SNX29: variants seen among roughly 807,000 people sequenced by gnomAD.
SNX29 encodes the protein sorting nexin-29.
Under a neutral mutation model 102.1 loss-of-function variants are expected in SNX29, and 78 were observed. The observed-to-expected ratio is 0.76, with a 90% CI of 0.64 to 0.92. The LOEUF (loss-of-function observed/expected upper bound fraction) is 0.92. SNX29 is among the 40% of genes least tolerant of loss of function. The pLI, the probability that SNX29 is intolerant of heterozygous loss-of-function variation, is 0.00. For synonymous variants in SNX29, 580 were observed against 414.5 expected (o/e 1.40, Z -4.85); for missense variants, 1,280 against 1,061.7 (o/e 1.21, Z -2.86).
chr16:12,237,417 G>T (rs942663280), intron 14 of SNX29, among the ~76,000 whole-genome samples: 1 of 152,144 alleles, frequency 6.6e-6, no homozygotes, highest in South Asian at 2.1e-4. Context: ...CACGTTTTTC[G>T]TGTCTCTCTG....
chr16:12,151,722 GT>G (rs952202371), intron 13 of SNX29, among the ~76,000 whole-genome samples: 16 of 151,982 alleles, frequency 1.1e-4, no homozygotes, highest in Middle Eastern at 3.2e-3. Flanking sequence ...ATTTATTTGT[GT>G]TTTTTTGTTT....
chr16:12,380,959 A>C, intron 16 of SNX29, among the ~76,000 whole-genome samples: 1 of 53,130 alleles, frequency 1.9e-5, no homozygotes, highest in Non-Finnish European at 3.5e-5. Context: ...CCACCCATCC[A>C]TCAATTTCAT....
intron 16 of SNX29, among the ~76,000 whole-genome samples, chr16:12,390,243 T>G (rs988091626): frequency 1.3e-5 from 2 of 152,012 alleles, no homozygotes; most frequent in African/African-American, 4.8e-5. Context: ...CTCCCATCTC[T>G]GCTCTGCAGC....
intron 20 of SNX29, among the ~76,000 whole-genome samples, chr16:12,549,769 C>G (rs111523406): frequency 3.9e-5 from 6 of 152,244 alleles, no homozygotes; most frequent in African/African-American, 1.4e-4. Flanking sequence ...TGGTGATTAG[C>G]AGGTGATTTC....
intron 20 of SNX29, among the ~76,000 whole-genome samples, chr16:12,543,145 C>G (rs1431004567): frequency 1.3e-5 from 2 of 152,148 alleles, no homozygotes; most frequent in Non-Finnish European, 1.5e-5. Context: ...GATCCAGGCC[C>G]TGAAGCATAA....
intron 14 of SNX29, among the ~76,000 whole-genome samples, chr16:12,218,118 C>A (rs1284929528): frequency 6.6e-6 from 1 of 152,204 alleles, no homozygotes; most frequent in African/African-American, 2.4e-5. Flanking sequence ...GGATATATTA[C>A]AGAGAATTGA....
At position 12,568,869 on chromosome 16, in the gene SNX29, C is replaced by CT. The variant is rs1598129544; in HGVS notation, c.*241dup. ...GGAGAGACTGGGACACACAGTCCTT[C>CT]TGCTTCTGGGGTCTACCCTGGGCTG... On this transcript the variant is annotated 3_prime_UTR_variant, in exon 21 of 21. Coordinates refer to ENST00000566228, the MANE Select transcript of SNX29 (RefSeq NM_032167.5). 1 of 605,882 alleles carries CT rather than the reference C, an allele frequency of 1.7e-6. No individual in the cohort carries two copies. The highest frequency in any genetic ancestry group is 3.1e-5 in the East Asian group (1 of 32,258). The allele number at this position is 605,882 out of a possible 1,614,324, so 37.5% of individuals were successfully genotyped here. A position where few individuals can be genotyped will look rare whatever the true frequency, so the allele number is the denominator to read the frequency against.
intron 11 of SNX29, among the ~76,000 whole-genome samples, chr16:12,107,885 G>A (rs950281249): frequency 2.0e-5 from 3 of 152,126 alleles, no homozygotes; most frequent in Non-Finnish European, 2.9e-5. Context: ...ATTAACAATC[G>A]TGTTTTAAGT....
intron 15 of SNX29, among the ~76,000 whole-genome samples, chr16:12,317,261 A>C (rs1218402631): frequency 1.3e-5 from 2 of 152,252 alleles, no homozygotes; most frequent in African/African-American, 4.8e-5. Context: ...CTCCAGAGAC[A>C]CACTTGGGTG....
chr16:12,565,007 C>G (rs1483744493), intron 20 of SNX29, among the ~76,000 whole-genome samples: 3 of 151,914 alleles, frequency 2.0e-5, no homozygotes, highest in Non-Finnish European at 2.9e-5. Flanking sequence ...CATGTCTCTA[C>G]TGTTGGACGC....
At chr16:12,476,622 C>G (rs138716921) in intron 18 of SNX29, among the ~76,000 whole-genome samples, 2 of 150,414 alleles carry the variant, frequency 1.3e-5, no homozygotes, top group Admixed American at 6.7e-5. Flanking sequence ...CATCAGAGAC[C>G]CCGGGACTTC....
At chr16:12,093,921 C>T (rs1215914774) in intron 11 of SNX29, 1 of 152,172 alleles carries the variant, frequency 6.6e-6, no homozygotes, top group African/African-American at 2.4e-5. Context: ...ACACGAAACA[C>T]TTCAGGTAGT....
At chr16:12,209,465 C>T (rs1447933506) in intron 14 of SNX29, among the ~76,000 whole-genome samples, 1 of 152,212 alleles carries the variant, frequency 6.6e-6, no homozygotes, top group African/African-American at 2.4e-5. Context: ...GCTGGGATTA[C>T]AGGCATGAGC....
intron 13 of SNX29, among the ~76,000 whole-genome samples, chr16:12,142,279 C>T (rs1052817016): frequency 2.0e-5 from 3 of 152,190 alleles, no homozygotes; most frequent in African/African-American, 7.2e-5. Flanking sequence ...CTTGCTTCCC[C>T]AAGGTCGCTG....
chr16:12,221,442 C>G (rs928719337), intron 14 of SNX29, among the ~76,000 whole-genome samples: 1 of 152,122 alleles, frequency 6.6e-6, no homozygotes, highest in Non-Finnish European at 1.5e-5. Context: ...TGGTAAAACC[C>G]CATCTCTACT....
chr16:12,055,597 G>C (rs1007294873), intron 8 of SNX29, among the ~76,000 whole-genome samples: 6 of 152,236 alleles, frequency 3.9e-5, no homozygotes, highest in African/African-American at 1.4e-4. Context: ...AAATCCACAG[G>C]TTAGGTGTGT....
At chr16:12,088,635 G>T (rs2052338793) in intron 11 of SNX29, among the ~76,000 whole-genome samples, 1 of 152,150 alleles carries the variant, frequency 6.6e-6, no homozygotes, top group Non-Finnish European at 1.5e-5. Flanking sequence ...CTGTTTGCTG[G>T]ATCCCTTTTT....
chr16:12,477,826 C>CA lies in SNX29; in HGVS notation c.2147dup (p.Asn716LysfsTer97), dbSNP rs1368435211. The CA allele has an allele frequency of 6.2e-7, 1 of 1,611,338 alleles. No homozygotes were observed. Among genetic ancestry groups the CA allele is most frequent in the Non-Finnish European group, 8.5e-7 (1 of 1,179,128 alleles). ...ACAAGTACCCTCAAGTGAGGGCCTACAACTTCCCACCCAAAAAGGCCATTG... is the reference window on the plus strand; with the variant it reads ...ACAAGTACCCTCAAGTGAGGGCCTACAAACTTCCCACCCAAAAAGGCCATTG... On this transcript the variant is annotated frameshift_variant, in exon 19 of 21. Coordinates refer to ENST00000566228, the MANE Select transcript of SNX29 (RefSeq NM_032167.5). LOFTEE classifies it high-confidence loss of function.
At chr16:12,447,096 G>C (rs1040662851) in intron 18 of SNX29, among the ~76,000 whole-genome samples, 9 of 143,970 alleles carry the variant, frequency 6.3e-5, no homozygotes, top group Non-Finnish European at 1.4e-4. Flanking sequence ...GAAGTTGGGA[G>C]GTGGAGGTTG....
Sources: gnomAD v4.1 joint callset for allele counts (sites outside exome capture counted in the v4.1 genomes callset) on GRCh38, gnomAD v4.1.1 for gene constraint, MANE v1.5 for transcripts, NCBI Gene and HGNC (gene_info 2026-07-23, HGNC 2026-07-21) for gene names.